The following PTPRD variants were observed in gnomAD, a reference collection of about 807,000 sequenced individuals.
PTPRD encodes the protein receptor-type tyrosine-protein phosphatase delta.
In PTPRD, 34 loss-of-function variants were observed where a neutral mutation model predicts 214.5. The observed-to-expected ratio is 0.16, with a 90% CI of 0.12 to 0.21. PTPRD has a LOEUF of 0.21. PTPRD is among the 10% of genes least tolerant of loss of function. PTPRD has a pLI of 1.00. For synonymous variants in PTPRD, 1,128 were observed against 845.7 expected (o/e 1.33, Z -5.79); for missense variants, 2,545 against 2,398.7 (o/e 1.06, Z -1.27).
At chr9:10,267,978 G>A (rs1443305405) in intron 3 of PTPRD, among the ~76,000 whole-genome samples, 1 of 151,958 alleles carries the variant, frequency 6.6e-6, no homozygotes, top group Non-Finnish European at 1.5e-5. Flanking sequence ...AAAAAAATAT[G>A]CTAAAAAAAT....
chr9:9,800,586 G>A (rs2099032819), intron 5 of PTPRD: 2 of 152,132 alleles, frequency 1.3e-5, no homozygotes, highest in Non-Finnish European at 2.9e-5. Context: ...TTTAATAGAT[G>A]AACAAAGGAA....
intron 5 of PTPRD, among the ~76,000 whole-genome samples, chr9:9,832,236 A>T (rs2055108160): frequency 6.6e-6 from 1 of 152,006 alleles, no homozygotes; most frequent in Middle Eastern, 3.2e-3. Flanking sequence ...TAGATCTTGG[A>T]GTAGCAGACG....
At chr9:8,387,943 A>C (rs1320661388) in intron 37 of PTPRD, among the ~76,000 whole-genome samples, 1 of 152,224 alleles carries the variant, frequency 6.6e-6, no homozygotes, top group Non-Finnish European at 1.5e-5. Flanking sequence ...ATCCATTTAC[A>C]TCTTTTGAAT....
At chr9:9,494,448 C>T (rs2096074584) in intron 8 of PTPRD, among the ~76,000 whole-genome samples, 2 of 152,182 alleles carry the variant, frequency 1.3e-5, no homozygotes, top group Non-Finnish European at 2.9e-5. Context: ...ACCACCCCAA[C>T]CTCGAGTAAC....
intron 11 of PTPRD, among the ~76,000 whole-genome samples, chr9:8,844,468 A>G (rs2097645774): frequency 1.3e-5 from 2 of 152,094 alleles, no homozygotes; most frequent in South Asian, 4.2e-4. Context: ...GCAGTTTGGT[A>G]TACTTTTTAA....
chr9:8,752,813 AACC>A (rs1565799082), intron 11 of PTPRD, among the ~76,000 whole-genome samples: 1 of 152,120 alleles, frequency 6.6e-6, no homozygotes, highest in African/African-American at 2.4e-5. Flanking sequence ...CCAACAGCAG[AACC>A]ACCAAGTTGA....
At chr9:9,885,443 G>T (rs1409760073) in intron 5 of PTPRD, among the ~76,000 whole-genome samples, 1 of 152,008 alleles carries the variant, frequency 6.6e-6, no homozygotes, top group Non-Finnish European at 1.5e-5. Flanking sequence ...ATATGATAAG[G>T]CTTCTAAGGA....
chr9:8,376,128 A>G (rs2134846742), intron 38 of PTPRD, 38 bp from the exon 39 acceptor site: 1 of 1,608,060 alleles, frequency 6.2e-7, no homozygotes, highest in Non-Finnish European at 8.5e-7. Flanking sequence ...TCTGTTTTCC[A>G]AGCCTCAGGT....
intron 3 of PTPRD, among the ~76,000 whole-genome samples, chr9:10,169,134 C>A (rs1275331671): frequency 6.6e-6 from 1 of 152,100 alleles, no homozygotes; most frequent in African/African-American, 2.4e-5. Flanking sequence ...CTCCCATCCC[C>A]ATTAATGTAT....
At chr9:9,920,031 T>G (rs946302726) in intron 5 of PTPRD, among the ~76,000 whole-genome samples, 1 of 152,122 alleles carries the variant, frequency 6.6e-6, no homozygotes, top group Non-Finnish European at 1.5e-5. Context: ...GAGGTTACAA[T>G]AAACGGGATT....
At chr9:10,331,401 C>A (rs1159042593) in intron 3 of PTPRD, among the ~76,000 whole-genome samples, 1 of 151,850 alleles carries the variant, frequency 6.6e-6, no homozygotes, top group African/African-American at 2.4e-5. Context: ...GCAATTAAGC[C>A]TTCCATCTGA....
intron 11 of PTPRD, among the ~76,000 whole-genome samples, chr9:8,903,382 G>A (rs577122197): frequency 1.3e-5 from 2 of 152,242 alleles, no homozygotes; most frequent in South Asian, 4.1e-4. Context: ...AAAGTGTGAA[G>A]CCAACTTTTA....
At chr9:9,407,908 A>T (rs909656582) in intron 8 of PTPRD, among the ~76,000 whole-genome samples, 1 of 151,824 alleles carries the variant, frequency 6.6e-6, no homozygotes. Context: ...GATATAAGGA[A>T]AAATTATAGT....
chr9:10,148,182 T>C (rs1592394561), intron 3 of PTPRD, among the ~76,000 whole-genome samples: 1 of 152,198 alleles, frequency 6.6e-6, no homozygotes, highest in Non-Finnish European at 1.5e-5. Flanking sequence ...GAGTTGCTGG[T>C]GTTCTTGCTT....
At chr9:8,657,488 G>GT (rs1349495891) in intron 12 of PTPRD, among the ~76,000 whole-genome samples, 2 of 152,022 alleles carry the variant, frequency 1.3e-5, no homozygotes, top group African/African-American at 2.4e-5. Flanking sequence ...TTTAATAGTG[G>GT]TTTTTTCTTC....
Position 8,516,146 on chromosome 9 carries a change from CATAAT to C in PTPRD, c.1543+1697_1543+1701del, listed in dbSNP as rs1354497195. On this transcript the variant is annotated intron_variant, in intron 21 of 45. Transcript: ENST00000381196. The stretch of plus-strand genomic sequence containing the variant: ...AAAACAGTATAATAAAAAGCAATCT[CATAAT>C]AGTTAACCACTTTTAGTCAAGAAAA... 4.6e-5 allele frequency among the ~76,000 whole-genome samples: 7 copies of C among 152,120 alleles called. No individual in the cohort carries two copies. In the East Asian group the frequency reaches 1.3e-3, roughly 29 times the overall value.
intron 3 of PTPRD, among the ~76,000 whole-genome samples, chr9:10,175,126 C>G (rs2099239110): frequency 6.6e-6 from 1 of 152,006 alleles, no homozygotes; most frequent in Non-Finnish European, 1.5e-5. Context: ...AAGAACTACT[C>G]AATGGAAGAA....
chr9:9,097,944 G>A (rs1338623074), intron 10 of PTPRD, among the ~76,000 whole-genome samples: 4 of 152,080 alleles, frequency 2.6e-5, no homozygotes, highest in African/African-American at 4.8e-5. Flanking sequence ...CATGCTTGCT[G>A]ACCATCATAA....
chr9:10,085,203 A>G (rs569267627), intron 3 of PTPRD, among the ~76,000 whole-genome samples: 1 of 152,018 alleles, frequency 6.6e-6, no homozygotes, highest in East Asian at 1.9e-4. Flanking sequence ...TGTGTAATTT[A>G]TAAATAAGTA....
Sources: allele counts gnomAD v4.1 joint callset (sites outside exome capture counted in the v4.1 genomes callset), GRCh38; gene constraint gnomAD v4.1.1; transcripts MANE v1.5; gene names NCBI Gene and HGNC (gene_info 2026-07-23, HGNC 2026-07-21).